Variants in ANK1 observed in about 807,000 individuals in gnomAD.
The protein encoded by ANK1 is ankyrin-1.
Under a neutral mutation model 210.4 loss-of-function variants are expected in ANK1, and 51 were observed. The observed-to-expected ratio is 0.24, with a 90% CI of 0.19 to 0.31. The LOEUF is 0.31. ANK1 is among the 10% of genes least tolerant of loss of function. ANK1 has a pLI of 1.00. For synonymous variants in ANK1, 967 were observed against 1,025.9 expected, an observed-to-expected ratio of 0.94 and a Z score of 1.10; for missense variants, 2,051 against 2,504.4, an observed-to-expected ratio of 0.82 and a Z score of 3.86.
intron 39 of ANK1, chr8:41,664,711 C>G (rs929545856): frequency 3.8e-6 from 5 of 1,300,364 alleles, no homozygotes; most frequent in East Asian, 2.5e-5. Context: ...CGTCTCCCAA[C>G]TCTGGGTCCG....
intron 18 of ANK1, 131 bp downstream of exon 18, chr8:41,706,012 T>C: frequency 1.1e-6 from 1 of 910,696 alleles, no homozygotes; most frequent in South Asian, 1.4e-5. Context: ...CAAACTCCAC[T>C]GCCAGCCCTA....
At chr8:41,826,413 G>A (rs959974380) in intron 1 of ANK1, among the ~76,000 whole-genome samples, 5 of 151,968 alleles carry the variant, frequency 3.3e-5, no homozygotes, top group African/African-American at 1.2e-4. Context: ...TGCTGCCCAG[G>A]TCTCAAAGAC....
At chr8:41,802,153 C>T (rs113630867), upstream of ANK1, among the ~76,000 whole-genome samples, 33,715 of 152,054 alleles carry the variant, frequency 0.22, 4,722 homozygotes, top group Admixed American at 0.37. Flanking sequence ...CCACGCCTGG[C>T]TAATGTTTGT....
intron 1 of ANK1, among the ~76,000 whole-genome samples, chr8:41,792,665 G>A (rs1847980237): frequency 6.6e-6 from 1 of 152,206 alleles, no homozygotes; most frequent in African/African-American, 2.4e-5. Flanking sequence ...GCGGGGAGGT[G>A]TGGAAAATGA....
At chr8:41,766,648 A>G (rs1841860308) in intron 1 of ANK1, among the ~76,000 whole-genome samples, 4 of 152,086 alleles carry the variant, frequency 2.6e-5, no homozygotes, top group Admixed American at 2.6e-4. Flanking sequence ...GTCACTGGGG[A>G]AGACCTGGCT....
At chr8:41,687,456 C>T (rs150720656) in intron 35 of ANK1, among the ~76,000 whole-genome samples, 1 of 152,202 alleles carries the variant, frequency 6.6e-6, no homozygotes, top group South Asian at 2.1e-4. Context: ...GGGATCAGCA[C>T]GAGAACGTAG....
chr8:41,855,658 A>G (rs1812057338), intron 1 of ANK1, among the ~76,000 whole-genome samples: 1 of 152,220 alleles, frequency 6.6e-6, no homozygotes, highest in Admixed American at 6.5e-5. Flanking sequence ...CTCTGTTTCT[A>G]TAAAAGTGGA....
At chr8:41,793,281 G>A (rs1848116493) in intron 1 of ANK1, among the ~76,000 whole-genome samples, 1 of 152,214 alleles carries the variant, frequency 6.6e-6, no homozygotes, top group East Asian at 1.9e-4. Flanking sequence ...TCTGGAGGCT[G>A]AGGAAGGAGG....
At chr8:41,755,527 G>C (rs1157057866) in intron 2 of ANK1, among the ~76,000 whole-genome samples, 1 of 152,200 alleles carries the variant, frequency 6.6e-6, no homozygotes, top group Non-Finnish European at 1.5e-5. Flanking sequence ...TAAGAACAAA[G>C]AAAGCCTCCA....
At position 41,870,364 on chromosome 8, in the gene ANK1, A is replaced by G. The variant is rs554923465; in HGVS notation, c.126+25991T>C. 4.6e-4 allele frequency among the ~76,000 whole-genome samples: 70 copies of G among 152,250 alleles called. No individual in the cohort carries two copies. The South Asian group carries it at 0.014, about 30-fold the overall frequency. On this transcript the variant is annotated intron_variant, in intron 1 of 42. Coordinates refer to the ANK1 transcript ENST00000265709. The stretch of plus-strand genomic sequence containing the variant: ...AAAACAAGGCCGAGTCACCTTCTCC[A>G]TCATTCACTCGTGTTCATTCATTCA...
intron 1 of ANK1, among the ~76,000 whole-genome samples, chr8:41,761,819 C>T (rs1840530788): frequency 6.6e-6 from 1 of 152,162 alleles, no homozygotes; most frequent in Non-Finnish European, 1.5e-5. Flanking sequence ...TAGGGTTCTC[C>T]AGCCTTCCAG....
chr8:41,723,739 C>T (rs932839491), intron 7 of ANK1, 106 bp from the exon 8 acceptor site: 5 of 855,412 alleles, frequency 5.8e-6, no homozygotes, highest in Non-Finnish European at 7.7e-6. Context: ...AGGCCTGCAA[C>T]AGCGTTGTCA....
At chr8:41,656,639 G>A (rs1358258777) in intron 42 of ANK1, among the ~76,000 whole-genome samples, 1 of 152,258 alleles carries the variant, frequency 6.6e-6, no homozygotes, top group Non-Finnish European at 1.5e-5. Flanking sequence ...GACCACTGGG[G>A]AAAGGAGGAT....
At chr8:41,794,547 C>T (rs1848375953) in intron 1 of ANK1, among the ~76,000 whole-genome samples, 1 of 152,222 alleles carries the variant, frequency 6.6e-6, no homozygotes, top group African/African-American at 2.4e-5. Context: ...CAGTTTACTC[C>T]TTTATTTTGT....
At chr8:41,890,132 A>G (rs577580261) in intron 1 of ANK1, among the ~76,000 whole-genome samples, 1 of 152,356 alleles carries the variant, frequency 6.6e-6, no homozygotes, top group African/African-American at 2.4e-5. Context: ...TTTATTAGCT[A>G]TACTCCATTA....
chr8:41,660,678 C>T (rs1807772508), intron 42 of ANK1, among the ~76,000 whole-genome samples: 1 of 152,242 alleles, frequency 6.6e-6, no homozygotes, highest in Non-Finnish European at 1.5e-5. Flanking sequence ...GCACCACAGC[C>T]CAGGCCCCGG....
intron 37 of ANK1, 84 bp from the exon 38 acceptor site, chr8:41,672,996 A>T: frequency 7.3e-7 from 1 of 1,378,100 alleles, no homozygotes; most frequent in Non-Finnish European, 1.0e-6. Context: ...ACACGCACGA[A>T]CACACACATG....
Position 41,686,139 on chromosome 8 carries a change from G to A in ANK1, c.4390+13C>T. ...GGTCCTAGGACAGGCTTCCTCAGTGGGACGGTACTGACTGTTTGCGTTTTG... is the reference window on the plus strand; with the variant it reads ...GGTCCTAGGACAGGCTTCCTCAGTGAGACGGTACTGACTGTTTGCGTTTTG... On this transcript the variant is annotated intron_variant, in intron 36 of 42. Transcript: ENST00000289734. 1 of 1,614,192 alleles carries A rather than the reference G, an allele frequency of 6.2e-7. No individual in the cohort carries two copies. Among genetic ancestry groups the A allele is most frequent in the South Asian group, 1.1e-5 (1 of 91,076 alleles).
intron 37 of ANK1, among the ~76,000 whole-genome samples, chr8:41,679,047 A>G (rs1815096520): frequency 1.3e-5 from 2 of 152,176 alleles, no homozygotes; most frequent in Admixed American, 1.3e-4. Context: ...CGGCCTCCCA[A>G]AATGCTGGGA....
Sources: allele counts gnomAD v4.1 joint callset (sites outside exome capture counted in the v4.1 genomes callset), GRCh38; gene constraint gnomAD v4.1.1; transcripts MANE v1.5; gene names NCBI Gene and HGNC (gene_info 2026-07-23, HGNC 2026-07-21).